ESCO1: variants seen among roughly 807,000 people sequenced by gnomAD.
ESCO1 encodes establishment of sister chromatid cohesion N-acetyltransferase 1, also known as N-acetyltransferase ESCO1.
ESCO1 carries 33 observed loss-of-function variants against 83.5 expected under a neutral mutation model. The observed-to-expected ratio is 0.40, with a 90% CI of 0.30 to 0.53. ESCO1 has a LOEUF of 0.53. ESCO1 is among the 20% of genes least tolerant of loss of function. ESCO1 has a pLI of 0.63. For synonymous variants in ESCO1, 332 were observed against 324.3 expected, an observed-to-expected ratio of 1.02 and a Z score of -0.25; for missense variants, 855 against 968.0, an observed-to-expected ratio of 0.88 and a Z score of 1.55.
chr18:21,571,093 CAT>C (rs1419841101), intron 4 of ESCO1, among the ~76,000 whole-genome samples: 3 of 151,932 alleles, frequency 2.0e-5, no homozygotes, highest in African/African-American at 4.8e-5. Flanking sequence ...GGGTGGTAGA[CAT>C]ATGAGAGTAA....
At chr18:21,594,778 T>C (rs1355982771) in intron 1 of ESCO1, among the ~76,000 whole-genome samples, 2 of 152,166 alleles carry the variant, frequency 1.3e-5, no homozygotes, top group Non-Finnish European at 2.9e-5. Flanking sequence ...TGTCTTGTGA[T>C]AACAACAAAC....
chr18:21,592,239 A>C (rs2038681594), intron 1 of ESCO1, among the ~76,000 whole-genome samples: 1 of 148,546 alleles, frequency 6.7e-6, no homozygotes, highest in African/African-American at 2.5e-5. Context: ...ACTTCCCAGT[A>C]GGGGCGGCCG....
intron 2 of ESCO1, among the ~76,000 whole-genome samples, chr18:21,579,776 ACACACACACGCGCGCGCG>A (rs1035021098): frequency 8.3e-5 from 5 of 59,938 alleles, no homozygotes; most frequent in African/African-American, 1.9e-4. Context: ...ATTCTGACAC[ACACACACACGCGCGCGCG>A]CACACACACA....
intron 8 of ESCO1, among the ~76,000 whole-genome samples, chr18:21,545,702 G>A (rs1458763251): frequency 1.3e-5 from 2 of 152,130 alleles, no homozygotes; most frequent in Admixed American, 6.5e-5. Flanking sequence ...GCTGAGGCGG[G>A]TGGATCTCCT....
chr18:21,588,724 C>T (rs2038618049), intron 1 of ESCO1, among the ~76,000 whole-genome samples: 1 of 151,756 alleles, frequency 6.6e-6, no homozygotes, highest in African/African-American at 2.4e-5. Flanking sequence ...TGAGACTAGC[C>T]TGGACAACAT....
At chr18:21,565,618 A>G (rs901926960) in intron 6 of ESCO1, among the ~76,000 whole-genome samples, 2 of 152,230 alleles carry the variant, frequency 1.3e-5, no homozygotes, top group Non-Finnish European at 2.9e-5. Context: ...AAGTCACACA[A>G]TGAAATTTAA....
chr18:21,577,088 C>T (rs1265983444), intron 2 of ESCO1, among the ~76,000 whole-genome samples: 1 of 151,462 alleles, frequency 6.6e-6, no homozygotes, highest in Non-Finnish European at 1.5e-5. Context: ...GGCACAATGG[C>T]TCAGGCCTGT....
chr18:21,542,061 A>C (rs969625837), intron 8 of ESCO1, among the ~76,000 whole-genome samples: 1 of 152,230 alleles, frequency 6.6e-6, no homozygotes, highest in Admixed American at 6.5e-5. Context: ...ATATAATTTT[A>C]TGTTTTAAAT....
intron 8 of ESCO1, among the ~76,000 whole-genome samples, chr18:21,544,710 G>A (rs1326392583): frequency 6.6e-6 from 1 of 152,048 alleles, no homozygotes; most frequent in African/African-American, 2.4e-5. Flanking sequence ...CAAAATAATT[G>A]GGAAAGTTAG....
At chr18:21,560,414 T>A (rs887998489) in intron 8 of ESCO1, among the ~76,000 whole-genome samples, 1 of 151,534 alleles carries the variant, frequency 6.6e-6, no homozygotes, top group African/African-American at 2.4e-5. Context: ...AAAACCCTCA[T>A]GATAACAAAG....
At chr18:21,547,309 A>G (rs766919786) in intron 8 of ESCO1, among the ~76,000 whole-genome samples, 7 of 151,954 alleles carry the variant, frequency 4.6e-5, no homozygotes, top group Middle Eastern at 3.4e-3. Flanking sequence ...TAAGCCTACG[A>G]AAAAATTATC....
At chr18:21,592,321 G>T (rs62090767) in intron 1 of ESCO1, among the ~76,000 whole-genome samples, 62,055 of 132,894 alleles carry the variant, frequency 0.47, 18,641 homozygotes, top group Non-Finnish European at 0.65. Flanking sequence ...CCCAGTAGGG[G>T]CGGCCGGGCA....
intron 1 of ESCO1, among the ~76,000 whole-genome samples, chr18:21,592,191 C>G (rs1434986339): frequency 1.3e-5 from 2 of 149,802 alleles, no homozygotes; most frequent in Non-Finnish European, 3.0e-5. Flanking sequence ...TTGGGCACAC[C>G]TCCCAGACGG....
intron 1 of ESCO1, chr18:21,593,000 G>A (rs1336953099): frequency 1.1e-4 from 17 of 158,824 alleles, no homozygotes; most frequent in East Asian, 3.9e-4. Context: ...ATGGGCGGCC[G>A]GGCAGAGACG....
chr18:21,589,722 G>A lies in ESCO1; in HGVS notation c.-824-5282C>T, dbSNP rs1436865673. 2.6e-5 allele frequency among the ~76,000 whole-genome samples: 4 copies of A among 152,248 alleles called. No homozygotes were observed. The South Asian group carries it at 6.2e-4, about 24-fold the overall frequency. Reference sequence around the variant, plus strand: ...GTAAGTTCTCAGCAATACTTAGCTCGAAGATGGCACAAAGCAAAGACGGCA... The same window carrying A: ...GTAAGTTCTCAGCAATACTTAGCTCAAAGATGGCACAAAGCAAAGACGGCA... On this transcript the variant is annotated intron_variant, in intron 1 of 11. Transcript: ENST00000269214.
At position 21,582,482 on chromosome 18, in the gene ESCO1, C is replaced by T. The variant is rs142806298; in HGVS notation, c.-694+1828G>A. Among the ~76,000 whole-genome samples, 17 of 152,234 alleles carry T rather than the reference C, an allele frequency of 1.1e-4. No homozygotes were observed. In the East Asian group the frequency reaches 3.3e-3, roughly 29 times the overall value. ...CTGGCCTCAGGTGATATGCCCGCCT[C>T]GGCCTCTGAAAGTGCTGACATTACA... On this transcript the variant is annotated intron_variant, in intron 2 of 11. Coordinates refer to ENST00000269214, the MANE Select transcript of ESCO1 (RefSeq NM_052911.3).
At chr18:21,580,787 C>T (rs2038491108) in intron 2 of ESCO1, among the ~76,000 whole-genome samples, 1 of 151,344 alleles carries the variant, frequency 6.6e-6, no homozygotes, top group South Asian at 2.1e-4. Context: ...GTCAGGAGTT[C>T]GAGACCAGCC....
At chr18:21,592,457 G>T (rs2038688307) in intron 1 of ESCO1, among the ~76,000 whole-genome samples, 1 of 148,600 alleles carries the variant, frequency 6.7e-6, no homozygotes, top group Non-Finnish European at 1.5e-5. Flanking sequence ...CCCGGATGGG[G>T]CGGCTGGCCG....
intron 9 of ESCO1, among the ~76,000 whole-genome samples, chr18:21,537,637 TA>T (rs1275085088): frequency 1.3e-5 from 2 of 152,182 alleles, no homozygotes; most frequent in Admixed American, 6.5e-5. Flanking sequence ...TCCTAATTCC[TA>T]AAGACAAGTG....
Sources: gnomAD v4.1 joint callset for allele counts (sites outside exome capture counted in the v4.1 genomes callset) on GRCh38, gnomAD v4.1.1 for gene constraint, MANE v1.5 for transcripts, NCBI Gene and HGNC (gene_info 2026-07-23, HGNC 2026-07-21) for gene names.